Variants in ARHGAP45 observed in about 807,000 individuals in gnomAD.
ARHGAP45 encodes rho GTPase-activating protein 45.
A neutral mutation model predicts 116.1 loss-of-function variants in ARHGAP45; 56 were observed. That is an observed-to-expected ratio of 0.48 (90% CI 0.39 to 0.60). The LOEUF is 0.60. Among genes scored for constraint, ARHGAP45 ranks in the 20% least tolerant of loss-of-function variants. The pLI is 0.00. For synonymous variants in ARHGAP45, 866 were observed against 701.7 expected, an observed-to-expected ratio of 1.23 and a Z score of -3.70; for missense variants, 1,622 against 1,601.0, an observed-to-expected ratio of 1.01 and a Z score of -0.22.
In ARHGAP45 at chr19:1,080,359, C is replaced by T. The variant is rs1205515741; in HGVS notation, c.1808C>T (p.Thr603Ile). The change falls in exon 14 of 23, where the codon ACA becomes ATA. Residue 603 changes from threonine to isoleucine, a missense_variant. Physicochemically the swap from Thr to Ile is moderately conservative, Grantham distance 89 (BLOSUM62 -1). This residue lies in a region of ARHGAP45 where 1,334 missense variants were observed against 1,263.8 expected (regional missense o/e 1.06). Coordinates refer to ENST00000313093, the MANE Select transcript of ARHGAP45 (RefSeq NM_012292.5). ...PPEEGGCTEG[T>I]PAKDHRAGRG... ...GAAGAAGGCGGGTGCACTGAGGGCA[C>T]ACCTGCCAAGGACCACAGGGGTGAG... 1 of 1,607,454 alleles carries T rather than the reference C, an allele frequency of 6.2e-7. No homozygotes were observed. Among genetic ancestry groups the T allele is most frequent in the Non-Finnish European group, 8.5e-7 (1 of 1,178,738 alleles).
chr19:1,086,133 T>G lies in ARHGAP45; in HGVS notation c.*127T>G. The G allele has an allele frequency of 3.6e-6, 3 of 836,572 alleles. No homozygotes were observed. Among genetic ancestry groups the G allele is most frequent in the Non-Finnish European group, 5.5e-6 (3 of 544,128 alleles). The allele number at this position is 836,572 out of a possible 1,614,324, so 51.8% of individuals were successfully genotyped here. On this transcript the variant is annotated 3_prime_UTR_variant, in exon 23 of 23. Coordinates refer to ENST00000313093, the MANE Select transcript of ARHGAP45 (RefSeq NM_012292.5). ...GGTCGCTGCCGAGAGCGCCTGGACTTCGACGTCCCACCAGCGGGCGCCTCC... is the reference window on the plus strand; with the variant it reads ...GGTCGCTGCCGAGAGCGCCTGGACTGCGACGTCCCACCAGCGGGCGCCTCC...
chr19:1,081,971 A>G lies in ARHGAP45; in HGVS notation c.2517+10A>G. ...GCTCTACCTGCGTCAGGTGAGACCC[A>G]CCGGTGGTGGCCAGGCAGAGCCTGG... On this transcript the variant is annotated intron_variant, in intron 19 of 22. Coordinates refer to ENST00000313093, the MANE Select transcript of ARHGAP45 (RefSeq NM_012292.5). 6.2e-7 allele frequency: 1 copy of G among 1,606,102 alleles called. No homozygotes were observed. The highest frequency in any genetic ancestry group is 8.5e-7 in the Non-Finnish European group (1 of 1,176,564).
upstream of ARHGAP45, chr19:1,067,124 G>A (rs2043048105): frequency 3.6e-6 from 4 of 1,122,530 alleles, no homozygotes; most frequent in African/African-American, 1.6e-5. Flanking sequence ...GGGGGGCGCG[G>A]CCCGGGGCTG....
In ARHGAP45 at chr19:1,078,027, G is replaced by C; in HGVS notation, c.1356G>C (p.Glu452Asp). ...CCCTGGACAAGCGGCGGCGGCTGGA[G>C]GAGGAGGCCAAGAACAAGGTGAGGG... ...TKTLDKRRRL[E>D]EEAKNKAEEA... The change falls in exon 11 of 23, where the codon GAG (glutamate) becomes GAC (aspartate). Residue 452 changes from glutamate to aspartate, a missense_variant. Physicochemically the swap from Glu to Asp is conservative, Grantham distance 45. This residue lies in a region of ARHGAP45 where 1,334 missense variants were observed against 1,263.8 expected (regional missense o/e 1.06). Transcript: ENST00000313093. The C allele has an allele frequency of 1.3e-6, 2 of 1,554,560 alleles. No homozygotes were observed. Among genetic ancestry groups the C allele is most frequent in the Non-Finnish European group, 1.7e-6 (2 of 1,147,558 alleles).
intron 16 of ARHGAP45, 21 bp downstream of exon 16, chr19:1,080,807 C>A (rs746851234): frequency 6.2e-7 from 1 of 1,612,224 alleles, no homozygotes; most frequent in Non-Finnish European, 8.5e-7. Context: ...CCTGACGGGG[C>A]TGGAGAGAGA....
Position 1,085,989 on chromosome 19 carries a change from C to T in ARHGAP45, c.3394C>T (p.Gln1132Ter), listed in dbSNP as rs1402031786. The T allele has an allele frequency of 1.9e-6, 3 of 1,612,278 alleles. No homozygotes were observed. Among genetic ancestry groups the T allele is most frequent in the Non-Finnish European group, 2.5e-6 (3 of 1,179,562 alleles). Reference sequence around the variant, plus strand: ...GACACTGGGCTCCTGCAGGGAAAGGCAGCCGGAATTCGTGTGAGCTGGGGT... The same window carrying T: ...GACACTGGGCTCCTGCAGGGAAAGGTAGCCGGAATTCGTGTGAGCTGGGGT... ...RMTLGSCRER[Q>*]PEFV Residue 1132 changes from glutamine (Q) to a stop codon, truncating the protein, a stop_gained, in exon 23 of 23, where the codon CAG (glutamine) becomes TAG (stop). Coordinates refer to ENST00000313093, the MANE Select transcript of ARHGAP45 (RefSeq NM_012292.5). LOFTEE classifies it high-confidence loss of function.
chr19:1,085,223 A>G (rs1305663556), intron 22 of ARHGAP45, among the ~76,000 whole-genome samples: 1 of 152,214 alleles, frequency 6.6e-6, no homozygotes, highest in African/African-American at 2.4e-5. Flanking sequence ...GTGGCAGGCA[A>G]AGGGAGAGCT....
chr19:1,076,483 C>CTTTTTTTTTTTT lies in ARHGAP45; in HGVS notation c.1186-1355_1186-1344dup, dbSNP rs71174343. ...GAAACCTGTGATTGTTGGCAGTAGT[C>CTTTTTTTTTTTT]TTTTTTTTTTTTTTTTTTTTTTTTT... On this transcript the variant is annotated intron_variant, in intron 10 of 22. Coordinates refer to ENST00000313093, the MANE Select transcript of ARHGAP45 (RefSeq NM_012292.5). Among the ~76,000 whole-genome samples, 9 of 64,982 alleles carry CTTTTTTTTTTTT rather than the reference C, an allele frequency of 1.4e-4. 1 individual carries two copies. Among genetic ancestry groups the CTTTTTTTTTTTT allele is most frequent in the African/African-American group, 5.3e-4 (9 of 16,966 alleles). 42.6% of individuals were successfully genotyped at this position (64,982 alleles called of 152,430 possible).
intron 1 of ARHGAP45, among the ~76,000 whole-genome samples, chr19:1,067,889 C>T (rs1325811117): frequency 2.0e-5 from 3 of 148,792 alleles, no homozygotes; most frequent in Non-Finnish European, 4.4e-5. Context: ...GCAGCAGATC[C>T]TCTAATGGGA....
intron 21 of ARHGAP45, among the ~76,000 whole-genome samples, chr19:1,083,967 C>T (rs542183831): frequency 6.6e-6 from 1 of 152,302 alleles, no homozygotes; most frequent in Admixed American, 6.5e-5. Flanking sequence ...TCTCGAACTG[C>T]TGACCTCAAG....
chr19:1,067,566 G>T (rs761719899), intron 1 of ARHGAP45, 71 bp downstream of exon 1: 8 of 1,406,246 alleles, frequency 5.7e-6, no homozygotes, highest in Middle Eastern at 1.8e-4. Context: ...CCCTGTGCTC[G>T]GGGCTCATGC....
chr19:1,085,664 C>A lies in ARHGAP45; in HGVS notation c.3069C>A (p.Ser1023=), dbSNP rs1311935789. ...QEAAADGCRE[S]RVVSNDSDSD... is the part of the protein sequence containing the mutation. ...CCATCTGTCTCCCTTTCTTAGAATC[C>A]CGAGTTGTGTCCAACGATTCGGACT... Residue 1023 remains serine (S), a synonymous_variant, in exon 23 of 23, where the codon TCC becomes TCA. Coordinates refer to ENST00000313093, the MANE Select transcript of ARHGAP45 (RefSeq NM_012292.5). The A allele has an allele frequency of 1.7e-5, 27 of 1,568,154 alleles. No individual in the cohort carries two copies. The highest frequency in any genetic ancestry group is 2.7e-5 in the African/African-American group (2 of 73,598).
At chr19:1,082,351 G>A (rs1353996165) in intron 19 of ARHGAP45, among the ~76,000 whole-genome samples, 4 of 151,180 alleles carry the variant, frequency 2.6e-5, no homozygotes, top group African/African-American at 4.9e-5. Flanking sequence ...GCAGGGACCC[G>A]TATGAGGCTA....
At position 1,083,105 on chromosome 19, in the gene ARHGAP45, G is replaced by A. The variant is rs1433168137; in HGVS notation, c.2745-38G>A. 5 of 1,573,134 alleles carry A rather than the reference G, an allele frequency of 3.2e-6. No individual in the cohort carries two copies. The South Asian group carries it at 5.8e-5, about 18-fold the overall frequency. ...TATGGAGTGGAGGGCGCGGGGTCCC[G>A]GGAGCCGCTCAGCACCTGGCCCCTG... On this transcript the variant is annotated intron_variant, in intron 20 of 22. Transcript: ENST00000313093.
At chr19:1,075,188 A>G (rs1412835261) in intron 10 of ARHGAP45, among the ~76,000 whole-genome samples, 4 of 150,418 alleles carry the variant, frequency 2.7e-5, no homozygotes, top group Non-Finnish European at 5.9e-5. Context: ...GTTGAGGGAG[A>G]CTGATGGTCT....
rs533380252 is a variant in ARHGAP45 at position 1,084,787 on chromosome 19, GATAA to G, written c.3064+449_3064+452del. 3.9e-3 allele frequency among the ~76,000 whole-genome samples: 590 copies of G among 152,262 alleles called. 1 individual carries two copies. The highest frequency in any genetic ancestry group is 6.4e-3 in the Non-Finnish European group (433 of 68,016). On this transcript the variant is annotated intron_variant, in intron 22 of 22. Coordinates refer to ENST00000313093, the MANE Select transcript of ARHGAP45 (RefSeq NM_012292.5). ...CTGTGTTGTCTGTCTTCACACTGCT[GATAA>G]ATAAATACCTGAGGCTGGGCACGGT...
At chr19:1,084,129 G>A in intron 21 of ARHGAP45, 109 bp from the exon 22 acceptor site, 3 of 1,015,852 alleles carry the variant, frequency 3.0e-6, no homozygotes, top group Non-Finnish European at 4.7e-6. Context: ...GACCGCCTGG[G>A]CAACAGCGGG....
chr19:1,071,346 G>C lies in ARHGAP45; in HGVS notation c.422-1803G>C, dbSNP rs1475145043. On this transcript the variant is annotated intron_variant, in intron 2 of 22. Transcript: ENST00000313093. This position sits in a 1 kb window ranked among gnomAD's most constrained non-coding sequence, Gnocchi z 4.6. ...GGACGAGGGCCCCGTGCGCTGCCGG[G>C]CGGGCCCCCGAGGTGAGGGGACAGG... 3.0e-6 allele frequency: 4 copies of C among 1,352,768 alleles called. No homozygotes were observed. The highest frequency in any genetic ancestry group is 3.8e-6 in the Non-Finnish European group (4 of 1,057,546). 83.8% of individuals were successfully genotyped at this position (1,352,768 alleles called of 1,614,324 possible). A position where few individuals can be genotyped will look rare whatever the true frequency, so the allele number is the denominator to read the frequency against.
In ARHGAP45 at chr19:1,071,547, A is replaced by T. The variant is rs995929077; in HGVS notation, c.422-1602A>T. 3 of 280,134 alleles carry T rather than the reference A, an allele frequency of 1.1e-5. No individual in the cohort carries two copies. Among genetic ancestry groups the T allele is most frequent in the African/African-American group, 2.3e-5 (1 of 43,410 alleles). 17.4% of individuals were successfully genotyped at this position (280,134 alleles called of 1,614,324 possible). On this transcript the variant is annotated intron_variant, in intron 2 of 22. Transcript: ENST00000313093. The surrounding 1 kb of genome is among the most constrained non-coding windows in gnomAD (Gnocchi z 4.6). ...CTTCCCGGGTAGGGGGTGTGCGGGGACAGCCGGGGGTCCGTGCGCCGGCCG... is the reference window on the plus strand; with the variant it reads ...CTTCCCGGGTAGGGGGTGTGCGGGGTCAGCCGGGGGTCCGTGCGCCGGCCG...
Sources: allele counts gnomAD v4.1 joint callset (sites outside exome capture counted in the v4.1 genomes callset), GRCh38; gene constraint gnomAD v4.1.1; regional missense constraint gnomAD v4.1.1; non-coding constraint Gnocchi (gnomAD v3.1); transcripts MANE v1.5; gene names NCBI Gene and HGNC (gene_info 2026-07-23, HGNC 2026-07-21).